The following HRH1 variants were observed in gnomAD, a reference collection of about 807,000 sequenced individuals.
HRH1 encodes histamine H1 receptor.
In HRH1, 6 loss-of-function variants were observed where a neutral mutation model predicts 10.3. The observed-to-expected ratio is 0.58, with a 90% CI of 0.32 to 1.15. HRH1 has a LOEUF of 1.15. Ranked by LOEUF, HRH1 falls within the 50% of genes most tolerant of loss-of-function variation. The probability of loss-of-function intolerance (pLI) is 0.05; values close to 1 mark genes in which losing one functional copy is unlikely to be tolerated. For synonymous variants in HRH1, 242 were observed against 236.7 expected (o/e 1.02, Z -0.21); for missense variants, 514 against 615.3 (o/e 0.84, Z 1.74).
rs1242142718 is a variant in HRH1 at position 11,154,567 on chromosome 3, G to C, written c.-36+13G>C. ...GGAGCCGGCGCCGGTGAGTCGCAGC[G>C]GGGCGCGGGCTTGGGCGGGAGCGGG... On this transcript the variant is annotated intron_variant, in intron 1 of 1. Coordinates refer to ENST00000431010, the MANE Select transcript of HRH1 (RefSeq NM_001098212.2). This position sits in a 1 kb window ranked among gnomAD's most constrained non-coding sequence, Gnocchi z 4.4. The C allele has an allele frequency of 6.6e-6, 1 of 151,168 alleles. No individual in the cohort carries two copies. The highest frequency in any genetic ancestry group is 1.5e-5 in the Non-Finnish European group (1 of 67,772). The allele number at this position is 151,168 out of a possible 1,614,324, so 9.4% of individuals were successfully genotyped here.
At chr3:11,156,368 G>T (rs888314488) in intron 1 of HRH1, among the ~76,000 whole-genome samples, 2 of 152,206 alleles carry the variant, frequency 1.3e-5, no homozygotes, top group Non-Finnish European at 2.9e-5. Context: ...CCAATGCTGG[G>T]CTGGGAGTGG....
Position 11,259,284 on chromosome 3 carries a change from A to G in HRH1, c.247A>G (p.Met83Val), listed in dbSNP as rs1420443296. The G allele has an allele frequency of 8.1e-6, 13 of 1,612,970 alleles. No homozygotes were observed. Among genetic ancestry groups the G allele is most frequent in the Middle Eastern group, 1.6e-4 (1 of 6,080 alleles). Residue 83 changes from methionine (M) to valine (V), a missense_variant, in exon 2 of 2, where the codon ATG (methionine) becomes GTG (valine). Physicochemically the swap from Met to Val is conservative, Grantham distance 21. Transcript: ENST00000431010. This position sits in a 1 kb window ranked among gnomAD's most constrained non-coding sequence, Gnocchi z 4.6. ...DLIVGAVVMP[M>V]NILYLLMSKW... Reference sequence around the variant, plus strand: ...GATCGTGGGTGCCGTCGTCATGCCTATGAACATCCTCTACCTGCTCATGTC... The same window carrying G: ...GATCGTGGGTGCCGTCGTCATGCCTGTGAACATCCTCTACCTGCTCATGTC...
At chr3:11,198,824 A>G (rs1414025136) in intron 1 of HRH1, among the ~76,000 whole-genome samples, 1 of 151,952 alleles carries the variant, frequency 6.6e-6, no homozygotes, top group Non-Finnish European at 1.5e-5. Context: ...AAGAATGTAC[A>G]CTGTGGTGAA....
chr3:11,144,437 A>ATATAGACATACG (rs1553564830), intron 1 of HRH1, among the ~76,000 whole-genome samples: 1 of 94,976 alleles, frequency 1.1e-5, no homozygotes, highest in African/African-American at 4.1e-5. Flanking sequence ...ACATATAGAC[A>ATATAGACATACG]TATAGACATA....
upstream of HRH1, among the ~76,000 whole-genome samples, chr3:11,152,097 C>A (rs1936642873): frequency 6.6e-6 from 1 of 152,116 alleles, no homozygotes; most frequent in Non-Finnish European, 1.5e-5. Flanking sequence ...CTTGGGAAGA[C>A]TTACTAGCTG....
rs768404483 is a variant in HRH1, at chr3:11,259,460, G to A, written c.423G>A (p.Lys141=). The change falls in exon 2 of 2, where the codon AAG becomes AAA. Residue 141 remains lysine, a synonymous_variant. Coordinates refer to ENST00000431010, the MANE Select transcript of HRH1 (RefSeq NM_001098212.2). The surrounding 1 kb of genome is among the most constrained non-coding windows in gnomAD (Gnocchi z 4.6). ...TCAGGTACCTTAAGTATCGTACCAA[G>A]ACCCGAGCCTCGGCCACCATTCTGG... ...QPLRYLKYRT[K]TRASATILGA... 4.3e-6 allele frequency: 7 copies of A among 1,613,888 alleles called. No homozygotes were observed. Among genetic ancestry groups the A allele is most frequent in the South Asian group, 1.1e-5 (1 of 91,062 alleles).
At chr3:11,171,820 C>T (rs1937156604) in intron 1 of HRH1, among the ~76,000 whole-genome samples, 1 of 152,242 alleles carries the variant, frequency 6.6e-6, no homozygotes, top group Admixed American at 6.5e-5. Context: ...ACATGTGTTC[C>T]TACCTCTGTT....
At chr3:11,144,479 A>ATACGTCTATAGG (rs747602747) in intron 1 of HRH1, among the ~76,000 whole-genome samples, 1 of 143,206 alleles carries the variant, frequency 7.0e-6, no homozygotes, top group African/African-American at 2.5e-5. Context: ...ATAGACATAT[A>ATACGTCTATAGG]TATACACACA....
intron 1 of HRH1, chr3:11,226,553 C>T (rs1938887959): frequency 6.6e-6 from 1 of 152,100 alleles, no homozygotes; most frequent in Non-Finnish European, 1.5e-5. Context: ...TTTTCCATAT[C>T]GTTTTATTTT....
rs1212623252 is a variant in HRH1, at chr3:11,198,468, C to A, written c.-36+43914C>A. Among the ~76,000 whole-genome samples, 4 of 152,096 alleles carry A rather than the reference C, an allele frequency of 2.6e-5. No individual in the cohort carries two copies. The East Asian group carries it at 5.8e-4, about 22-fold the overall frequency. On this transcript the variant is annotated intron_variant, in intron 1 of 1. Transcript: ENST00000431010. ...CCAGCTCTTATTATTATAATAATCGCTGCTGTTCATTGAATGTCTGTTTTT... is the reference window on the plus strand; with the variant it reads ...CCAGCTCTTATTATTATAATAATCGATGCTGTTCATTGAATGTCTGTTTTT...
chr3:11,215,720 C>T (rs535453364), intron 1 of HRH1, among the ~76,000 whole-genome samples: 11 of 152,336 alleles, frequency 7.2e-5, no homozygotes, highest in African/African-American at 2.6e-4. Flanking sequence ...GGATTACAGG[C>T]GTGAGCCACC....
Position 11,260,118 on chromosome 3 carries a change from A to G in HRH1, c.1081A>G (p.Thr361Ala). ...AGGTGATAGCCAATCCTTCTCTCGA[A>G]CGGACTCAGATACCACCACAGAGAC... Reference protein sequence around the residue: ...MLGDSQSFSRTDSDTTTETAP... With the variant: ...MLGDSQSFSRADSDTTTETAP... Residue 361 changes from threonine (T) to alanine (A), a missense_variant, in exon 2 of 2, where the codon ACG becomes GCG. Coordinates refer to ENST00000431010, the MANE Select transcript of HRH1 (RefSeq NM_001098212.2). The G allele has an allele frequency of 1.2e-6, 2 of 1,614,074 alleles. No individual in the cohort carries two copies. Among genetic ancestry groups the G allele is most frequent in the Non-Finnish European group, 1.7e-6 (2 of 1,180,020 alleles).
At chr3:11,143,763 C>A (rs190884355) in intron 1 of HRH1, among the ~76,000 whole-genome samples, 2 of 152,274 alleles carry the variant, frequency 1.3e-5, no homozygotes, top group Admixed American at 1.3e-4. Context: ...CCCACCATCC[C>A]CTGAGTGTTT....
chr3:11,164,636 C>T (rs17034063), intron 1 of HRH1, among the ~76,000 whole-genome samples: 20,075 of 152,120 alleles, frequency 0.13, 1,549 homozygotes, highest in East Asian at 0.29. Context: ...GTTGTGCATT[C>T]TGATAACTGG....
intron 1 of HRH1, among the ~76,000 whole-genome samples, chr3:11,243,009 G>A (rs1161564669): frequency 6.6e-6 from 1 of 152,024 alleles, no homozygotes; most frequent in Non-Finnish European, 1.5e-5. Context: ...TGCCTCCTGG[G>A]TTCAAGTGAT....
intron 1 of HRH1, among the ~76,000 whole-genome samples, chr3:11,222,645 G>A (rs528878664): frequency 5.9e-4 from 89 of 152,092 alleles, no homozygotes; most frequent in African/African-American, 2.0e-3. Context: ...AAAGTACAGC[G>A]GCCGAGTGTC....
intron 1 of HRH1, among the ~76,000 whole-genome samples, chr3:11,182,172 A>G (rs1055023866): frequency 3.3e-5 from 5 of 151,592 alleles, no homozygotes; most frequent in African/African-American, 1.2e-4. Context: ...TAGTAGAGAC[A>G]GGGTTTCACC....
At chr3:11,217,214 C>CAA (rs36051207) in intron 1 of HRH1, among the ~76,000 whole-genome samples, 2 of 137,266 alleles carry the variant, frequency 1.5e-5, no homozygotes, top group African/African-American at 2.8e-5. Flanking sequence ...CAAACAAAAC[C>CAA]AAAAAAAAAA....
intron 1 of HRH1, among the ~76,000 whole-genome samples, chr3:11,209,882 T>C (rs1295149563): frequency 2.0e-5 from 3 of 152,242 alleles, no homozygotes; most frequent in Admixed American, 2.0e-4. Context: ...ATCCTTATTC[T>C]GCTGTGCTGC....
Sources: allele counts gnomAD v4.1 joint callset (sites outside exome capture counted in the v4.1 genomes callset), GRCh38; gene constraint gnomAD v4.1.1; non-coding constraint Gnocchi (gnomAD v3.1); transcripts MANE v1.5; gene names NCBI Gene and HGNC (gene_info 2026-07-23, HGNC 2026-07-21).